Variants in DCLK2 observed in about 807,000 individuals in gnomAD.
DCLK2 encodes the protein serine/threonine-protein kinase DCLK2.
DCLK2 carries 31 observed loss-of-function variants against 78.4 expected under a neutral mutation model. The observed-to-expected ratio is 0.40, with a 90% CI of 0.30 to 0.53. The LOEUF (loss-of-function observed/expected upper bound fraction) is 0.53. Ranked by LOEUF, DCLK2 falls within the 20% of genes least tolerant of loss-of-function variation. DCLK2 has a pLI of 0.61. For synonymous variants in DCLK2, 407 were observed against 374.9 expected, an observed-to-expected ratio of 1.09 and a Z score of -0.99; for missense variants, 872 against 973.7, an observed-to-expected ratio of 0.90 and a Z score of 1.39.
intron 3 of DCLK2, 59 bp from the exon 4 acceptor site, chr4:150,197,943 C>G: frequency 7.3e-7 from 1 of 1,371,332 alleles, no homozygotes; most frequent in Non-Finnish European, 1.0e-6. Context: ...TTACATGTAA[C>G]TCTGCTTTTG....
chr4:150,114,728 G>C (rs959888197), intron 2 of DCLK2, among the ~76,000 whole-genome samples: 35 of 152,140 alleles, frequency 2.3e-4, no homozygotes, highest in African/African-American at 8.5e-4. Flanking sequence ...CTCCCTTTTG[G>C]CTTATAAGGT....
chr4:150,244,730 T>C (rs1318038244), intron 12 of DCLK2, among the ~76,000 whole-genome samples: 2 of 152,252 alleles, frequency 1.3e-5, no homozygotes, highest in African/African-American at 4.8e-5. Context: ...ATTAGCTTTC[T>C]ATTTTTCTAG....
intron 2 of DCLK2, among the ~76,000 whole-genome samples, chr4:150,167,515 C>T (rs1736186154): frequency 6.6e-6 from 1 of 151,968 alleles, no homozygotes; most frequent in Non-Finnish European, 1.5e-5. Flanking sequence ...TCCACACCTA[C>T]CGGCAAAAAA....
At position 150,102,713 on chromosome 4, in the gene DCLK2, G is replaced by A. The variant is rs1730973411; in HGVS notation, c.657G>A (p.Lys219=). 28 of 1,614,108 alleles carry A rather than the reference G, an allele frequency of 1.7e-5. No individual in the cohort carries two copies. Among genetic ancestry groups the A allele is most frequent in the Non-Finnish European group, 2.4e-5 (28 of 1,180,010 alleles). Residue 219 remains lysine (K), a synonymous_variant, in exon 2 of 16, where the codon AAG becomes AAA. Transcript: ENST00000296550. The stretch of plus-strand genomic sequence containing the variant: ...CCGTGCGGATCCTTCTGAATAAAAA[G>A]ACTGCTCATTCCTTTGAACAAGTCT... ...RKAVRILLNK[K]TAHSFEQVLT...
Position 150,239,660 on chromosome 4 carries a change from C to T in DCLK2, c.1567-82C>T. On this transcript the variant is annotated intron_variant, in intron 10 of 15. Coordinates refer to ENST00000296550, the MANE Select transcript of DCLK2 (RefSeq NM_001040260.4). ...AGTTTAATAGTAAATGTATTTGTGT[C>T]CTTTCTGCCTAATTCCAAGAGCCCT... 2.0e-6 allele frequency: 3 copies of T among 1,512,302 alleles called. No homozygotes were observed. The South Asian group carries it at 3.7e-5, about 19-fold the overall frequency. 93.7% of individuals were successfully genotyped at this position (1,512,302 alleles called of 1,614,324 possible).
At chr4:150,128,897 A>G (rs1241705983) in intron 2 of DCLK2, among the ~76,000 whole-genome samples, 46 of 152,168 alleles carry the variant, frequency 3.0e-4, no homozygotes, top group Non-Finnish European at 2.9e-5. Context: ...AAAGAGCATT[A>G]ACTTTCCCTG....
chr4:150,227,794 A>G (rs986275627), intron 8 of DCLK2, among the ~76,000 whole-genome samples: 2 of 152,156 alleles, frequency 1.3e-5, no homozygotes, highest in African/African-American at 2.4e-5. Context: ...TTGTCTTCCT[A>G]CTGTATACAG....
At chr4:150,129,063 A>G (rs1397420626) in intron 2 of DCLK2, among the ~76,000 whole-genome samples, 2 of 152,124 alleles carry the variant, frequency 1.3e-5, no homozygotes, top group Non-Finnish European at 2.9e-5. Context: ...TGACATAACT[A>G]TTCATTATCT....
At chr4:150,198,891 C>A (rs185984215) in intron 4 of DCLK2, 51 of 584,928 alleles carry the variant, frequency 8.7e-5, no homozygotes, top group Non-Finnish European at 1.3e-4. Flanking sequence ...TTCCACTATT[C>A]GCCCTTTCCC....
intron 5 of DCLK2, among the ~76,000 whole-genome samples, chr4:150,211,664 C>G (rs988917337): frequency 6.6e-6 from 1 of 152,096 alleles, no homozygotes; most frequent in African/African-American, 2.4e-5. Flanking sequence ...TTGCTTTGTT[C>G]TCCTTCCAGT....
At position 150,246,393 on chromosome 4, in the gene DCLK2, A is replaced by G. The variant is rs146359970; in HGVS notation, c.1779-1210A>G. On this transcript the variant is annotated intron_variant, in intron 12 of 15. Transcript: ENST00000296550. ...AGAGGAATGAGGGAGCCATGTCATC[A>G]CAACAGCCCTAGAATTTATTGCTAG... Among the ~76,000 whole-genome samples, 903 of 152,294 alleles carry G rather than the reference A, an allele frequency of 5.9e-3. 8 individuals are homozygous for G. The highest frequency in any genetic ancestry group is 0.02 in the African/African-American group (845 of 41,556).
intron 1 of DCLK2, among the ~76,000 whole-genome samples, chr4:150,101,215 A>G (rs1730867279): frequency 6.6e-6 from 1 of 152,142 alleles, no homozygotes; most frequent in Admixed American, 6.6e-5. Flanking sequence ...TGATTGCGCC[A>G]CTGCAGTTCA....
intron 5 of DCLK2, among the ~76,000 whole-genome samples, chr4:150,211,430 AG>A (rs1367534376): frequency 6.6e-6 from 1 of 152,138 alleles, no homozygotes; most frequent in Non-Finnish European, 1.5e-5. Context: ...AGCCCAACTC[AG>A]CATGGGGAGA....
chr4:150,212,075 G>A (rs1282781693), intron 5 of DCLK2, among the ~76,000 whole-genome samples: 1 of 152,180 alleles, frequency 6.6e-6, no homozygotes, highest in Non-Finnish European at 1.5e-5. Flanking sequence ...CACATCTGTG[G>A]ACACTGAGGG....
chr4:150,250,170 G>A (rs1421967295), intron 15 of DCLK2, among the ~76,000 whole-genome samples: 1 of 152,078 alleles, frequency 6.6e-6, no homozygotes, highest in Admixed American at 6.5e-5. Context: ...GCTTTTAAAG[G>A]TACATAATCA....
intron 2 of DCLK2, among the ~76,000 whole-genome samples, chr4:150,189,712 C>T (rs949069305): frequency 3.3e-5 from 5 of 151,934 alleles, no homozygotes; most frequent in Non-Finnish European, 5.9e-5. Context: ...GATAATGTAG[C>T]CGTTGTACCA....
At chr4:150,185,465 C>T (rs528438802) in intron 2 of DCLK2, among the ~76,000 whole-genome samples, 13 of 151,670 alleles carry the variant, frequency 8.6e-5, no homozygotes, top group East Asian at 5.8e-4. Context: ...TGGCTCATGC[C>T]TGTAATGGGA....
At chr4:150,106,228 T>C (rs952134296) in intron 2 of DCLK2, among the ~76,000 whole-genome samples, 2 of 152,276 alleles carry the variant, frequency 1.3e-5, no homozygotes, top group Non-Finnish European at 2.9e-5. Flanking sequence ...ATAGGTGAAC[T>C]CGCTAATCTT....
intron 11 of DCLK2, 93 bp from the exon 12 acceptor site, chr4:150,240,306 C>A: frequency 9.7e-7 from 1 of 1,035,464 alleles, no homozygotes; most frequent in Non-Finnish European, 1.5e-6. Flanking sequence ...CTAAAATAAT[C>A]CTTTTCCTAA....
Sources: allele counts gnomAD v4.1 joint callset (sites outside exome capture counted in the v4.1 genomes callset), GRCh38; gene constraint gnomAD v4.1.1; transcripts MANE v1.5; gene names NCBI Gene and HGNC (gene_info 2026-07-23, HGNC 2026-07-21).